STXBP6: variants seen among roughly 807,000 people sequenced by gnomAD.
STXBP6 encodes syntaxin binding protein 6.
STXBP6 carries 21 observed loss-of-function variants against 26.9 expected under a neutral mutation model. That is an observed-to-expected ratio of 0.78 (90% CI 0.55 to 1.12). The LOEUF is 1.12. Ranked by LOEUF, STXBP6 falls within the 50% of genes most tolerant of loss-of-function variation. The pLI, the probability that STXBP6 is intolerant of heterozygous loss-of-function variation, is 0.00. For synonymous variants in STXBP6, 97 were observed against 92.6 expected, an observed-to-expected ratio of 1.05 and a Z score of -0.27; for missense variants, 232 against 257.9, an observed-to-expected ratio of 0.90 and a Z score of 0.69.
intron 4 of STXBP6, among the ~76,000 whole-genome samples, chr14:24,845,055 A>G (rs1594949455): frequency 6.7e-6 from 1 of 149,066 alleles, no homozygotes; most frequent in Non-Finnish European, 1.5e-5. Flanking sequence ...TCTGTCGCCC[A>G]GGCTGGAATG....
intron 1 of STXBP6, among the ~76,000 whole-genome samples, chr14:24,992,127 A>G (rs902271297): frequency 3.3e-5 from 5 of 152,340 alleles, no homozygotes; most frequent in African/African-American, 1.2e-4. Context: ...CTAGCACAAT[A>G]GCTAGGAAAT....
At chr14:25,028,267 C>T (rs543998728) in intron 1 of STXBP6, among the ~76,000 whole-genome samples, 1 of 152,272 alleles carries the variant, frequency 6.6e-6, no homozygotes, top group Admixed American at 6.5e-5. Flanking sequence ...GAAGTCAAGG[C>T]CTTGCTGCAA....
intron 2 of STXBP6, among the ~76,000 whole-genome samples, chr14:24,894,894 T>C (rs1235253753): frequency 1.5e-3 from 26 of 17,490 alleles, no homozygotes; most frequent in Non-Finnish European, 2.8e-3. Context: ...TCTCTCTCTT[T>C]TTTTTTTTTT....
At chr14:24,918,345 G>A (rs768888774) in intron 2 of STXBP6, among the ~76,000 whole-genome samples, 3 of 151,756 alleles carry the variant, frequency 2.0e-5, no homozygotes, top group Non-Finnish European at 4.4e-5. Context: ...ACCTGTGATG[G>A]TTTTATTTAA....
At chr14:24,926,545 T>C (rs2072177483) in intron 2 of STXBP6, among the ~76,000 whole-genome samples, 1 of 152,298 alleles carries the variant, frequency 6.6e-6, no homozygotes, top group South Asian at 2.1e-4. Context: ...ACGAACTCCA[T>C]TAGTACACTA....
chr14:24,917,685 C>T (rs1035114168), intron 2 of STXBP6, among the ~76,000 whole-genome samples: 2 of 151,918 alleles, frequency 1.3e-5, no homozygotes, highest in Admixed American at 6.6e-5. Context: ...TCTTTATTAC[C>T]TTGCATTAGA....
In STXBP6 at chr14:24,999,758, C is replaced by T. The variant is rs141082030; in HGVS notation, c.-32-24908G>A. Among the ~76,000 whole-genome samples the T allele has an allele frequency of 1.5e-3, 233 of 152,156 alleles. 1 individual carries two copies. Among genetic ancestry groups the T allele is most frequent in the African/African-American group, 5.3e-3 (219 of 41,518 alleles). On this transcript the variant is annotated intron_variant, in intron 1 of 5. Coordinates refer to ENST00000323944, the MANE Select transcript of STXBP6 (RefSeq NM_001394410.1). ...AGTTGCAATATATAGACAGTCTCCT[C>T]GGAGCAGTATCAGAAAAGCCCAAAG...
intron 1 of STXBP6, among the ~76,000 whole-genome samples, chr14:25,036,670 G>A (rs1403674565): frequency 6.6e-6 from 1 of 151,764 alleles, no homozygotes; most frequent in Non-Finnish European, 1.5e-5. Context: ...CTGGCTAACA[G>A]AGTGAAACCC....
intron 2 of STXBP6, among the ~76,000 whole-genome samples, chr14:24,870,464 A>T (rs2139327126): frequency 6.6e-6 from 1 of 152,282 alleles, no homozygotes; most frequent in Admixed American, 6.5e-5. Flanking sequence ...GGTAATACAG[A>T]GTTATAGAGT....
chr14:24,872,122 C>A (rs752221644), intron 2 of STXBP6, among the ~76,000 whole-genome samples: 2 of 152,142 alleles, frequency 1.3e-5, no homozygotes, highest in Non-Finnish European at 2.9e-5. Context: ...AAAATTCCCA[C>A]GAAGACTTAC....
intron 1 of STXBP6, among the ~76,000 whole-genome samples, chr14:25,014,729 A>G (rs2075109217): frequency 6.6e-6 from 1 of 152,260 alleles, no homozygotes; most frequent in Non-Finnish European, 1.5e-5. Context: ...CATCTCTCCA[A>G]CAAAGCAGAG....
rs111515336 is a variant in STXBP6 at position 24,969,735 on chromosome 14, T to C, written c.154+4930A>G. ...ACATGAGTGAGCAAGAATGAAAAGATAGCACAAAATAAAGATTTTGTATGT... is the reference window on the plus strand; with the variant it reads ...ACATGAGTGAGCAAGAATGAAAAGACAGCACAAAATAAAGATTTTGTATGT... On this transcript the variant is annotated intron_variant, in intron 2 of 5. Coordinates refer to ENST00000323944, the MANE Select transcript of STXBP6 (RefSeq NM_001394410.1). Among the ~76,000 whole-genome samples, 114 of 152,258 alleles carry C rather than the reference T, an allele frequency of 7.5e-4. 1 individual carries two copies. Among genetic ancestry groups the C allele is most frequent in the African/African-American group, 2.6e-3 (108 of 41,546 alleles).
chr14:24,851,392 C>G (rs2069149856), intron 4 of STXBP6, among the ~76,000 whole-genome samples: 1 of 149,490 alleles, frequency 6.7e-6, no homozygotes, highest in Non-Finnish European at 1.5e-5. Context: ...CCCCCCTCCC[C>G]CAACCCCACA....
intron 1 of STXBP6, among the ~76,000 whole-genome samples, chr14:24,982,542 G>C (rs1322115746): frequency 6.6e-6 from 1 of 152,192 alleles, no homozygotes; most frequent in African/African-American, 2.4e-5. Flanking sequence ...AATTCTTTAA[G>C]GAAGGAAACG....
intron 2 of STXBP6, among the ~76,000 whole-genome samples, chr14:24,902,063 T>A (rs1351802372): frequency 6.6e-6 from 1 of 152,162 alleles, no homozygotes; most frequent in African/African-American, 2.4e-5. Context: ...CAATAAATAT[T>A]TTCCATTAAT....
At chr14:24,891,808 A>C (rs987351152) in intron 2 of STXBP6, among the ~76,000 whole-genome samples, 1 of 152,216 alleles carries the variant, frequency 6.6e-6, no homozygotes, top group African/African-American at 2.4e-5. Flanking sequence ...ACATTTCTAT[A>C]ATAAAACTTC....
chr14:24,866,403 GTATA>G (rs1691927859), intron 2 of STXBP6, among the ~76,000 whole-genome samples: 1 of 151,976 alleles, frequency 6.6e-6, no homozygotes, highest in Admixed American at 6.6e-5. Context: ...ACATATGTGT[GTATA>G]TATATGTGCA....
chr14:24,989,207 T>A (rs985229824), intron 1 of STXBP6, among the ~76,000 whole-genome samples: 6 of 152,192 alleles, frequency 3.9e-5, no homozygotes, highest in African/African-American at 1.4e-4. Flanking sequence ...CAGGTGACCA[T>A]CATCCAGATT....
At chr14:24,827,384 G>A (rs1449286066) in intron 4 of STXBP6, among the ~76,000 whole-genome samples, 1 of 152,130 alleles carries the variant, frequency 6.6e-6, no homozygotes, top group Non-Finnish European at 1.5e-5. Flanking sequence ...GCCAGACACT[G>A]TCTATATTTG....
Sources: allele counts gnomAD v4.1 joint callset (sites outside exome capture counted in the v4.1 genomes callset), GRCh38; gene constraint gnomAD v4.1.1; transcripts MANE v1.5; gene names NCBI Gene and HGNC (gene_info 2026-07-23, HGNC 2026-07-21).